Variants in SLC27A6 observed in about 807,000 individuals in gnomAD.
SLC27A6 encodes the protein solute carrier family 27 member 6.
A neutral mutation model predicts 63.9 loss-of-function variants in SLC27A6; 74 were observed. That is an observed-to-expected ratio of 1.16 (90% CI 0.96 to 1.40). The LOEUF is 1.40. SLC27A6 is among the 40% of genes most tolerant of loss of function. The pLI, the probability that SLC27A6 is intolerant of heterozygous loss-of-function variation, is 0.00. For synonymous variants in SLC27A6, 287 were observed against 260.8 expected, an observed-to-expected ratio of 1.10 and a Z score of -0.97; for missense variants, 794 against 732.9, an observed-to-expected ratio of 1.08 and a Z score of -0.96.
chr5:128,988,389 G>C (rs945027660), intron 2 of SLC27A6, among the ~76,000 whole-genome samples: 6 of 152,166 alleles, frequency 3.9e-5, no homozygotes, highest in African/African-American at 1.4e-4. Flanking sequence ...GGCCTACTTA[G>C]CAGCCTGTCA....
chr5:128,997,485 C>CTAACATAAATAG (rs1751198290), intron 4 of SLC27A6, among the ~76,000 whole-genome samples: 2 of 152,090 alleles, frequency 1.3e-5, no homozygotes, highest in African/African-American at 4.8e-5. Context: ...ATACAAGGGG[C>CTAACATAAATAG]TAACATAAAT....
At chr5:129,002,083 C>T (rs1049102015) in intron 4 of SLC27A6, among the ~76,000 whole-genome samples, 12 of 152,156 alleles carry the variant, frequency 7.9e-5, no homozygotes, top group African/African-American at 2.9e-4. Context: ...GTCCTGAAAG[C>T]TAGAGGGAAA....
intron 1 of SLC27A6, among the ~76,000 whole-genome samples, chr5:128,981,047 A>T (rs942470780): frequency 1.3e-5 from 2 of 152,250 alleles, no homozygotes; most frequent in African/African-American, 4.8e-5. Context: ...GATTATAATT[A>T]ACATTTTTGT....
chr5:129,023,984 T>G (rs1752158963), intron 6 of SLC27A6, among the ~76,000 whole-genome samples: 1 of 152,038 alleles, frequency 6.6e-6, no homozygotes, highest in East Asian at 1.9e-4. Context: ...TTTTTATTGT[T>G]TTATTATTAT....
intron 4 of SLC27A6, among the ~76,000 whole-genome samples, chr5:129,012,309 T>C (rs1751753405): frequency 6.6e-6 from 1 of 152,104 alleles, no homozygotes; most frequent in Admixed American, 6.6e-5. Flanking sequence ...TTTAATTTTA[T>C]TGTGGTCAGA....
At chr5:128,980,010 T>C (rs2150131470) in intron 1 of SLC27A6, among the ~76,000 whole-genome samples, 1 of 152,340 alleles carries the variant, frequency 6.6e-6, no homozygotes, top group South Asian at 2.1e-4. Flanking sequence ...AGGAAGGGCA[T>C]GGTCTGACTT....
At chr5:128,977,832 C>A (rs1479768465) in intron 1 of SLC27A6, among the ~76,000 whole-genome samples, 2 of 151,952 alleles carry the variant, frequency 1.3e-5, no homozygotes, top group African/African-American at 4.8e-5. Context: ...CTAAACATGC[C>A]AAAGGATATA....
intron 1 of SLC27A6, among the ~76,000 whole-genome samples, chr5:128,980,969 A>G (rs1421510900): frequency 6.6e-6 from 1 of 152,226 alleles, no homozygotes; most frequent in Non-Finnish European, 1.5e-5. Context: ...AAATGTGAAT[A>G]AGATCTAATG....
chr5:128,989,723 G>T (rs1396949082), intron 3 of SLC27A6, among the ~76,000 whole-genome samples: 3 of 152,178 alleles, frequency 2.0e-5, no homozygotes, highest in Middle Eastern at 3.4e-3. Context: ...AGGAGATTGA[G>T]ACCATCCTGG....
chr5:128,970,447 G>T (rs545213846), intron 1 of SLC27A6, among the ~76,000 whole-genome samples: 6 of 152,226 alleles, frequency 3.9e-5, no homozygotes, highest in Admixed American at 3.3e-4. Context: ...CCTGTTATTG[G>T]TCTATTCAGA....
At chr5:129,031,887 G>T (rs1463738218) in intron 9 of SLC27A6, among the ~76,000 whole-genome samples, 1 of 151,920 alleles carries the variant, frequency 6.6e-6, no homozygotes, top group African/African-American at 2.4e-5. Context: ...TGGCTGTGAT[G>T]ACAGTGTTGG....
chr5:129,018,459 A>T (rs1351527148), intron 5 of SLC27A6, among the ~76,000 whole-genome samples: 1 of 152,124 alleles, frequency 6.6e-6, no homozygotes, highest in Non-Finnish European at 1.5e-5. Context: ...AACCAAAAGA[A>T]GGTGCAAACT....
intron 4 of SLC27A6, among the ~76,000 whole-genome samples, chr5:129,005,272 T>C (rs548801467): frequency 3.0e-4 from 45 of 152,178 alleles, no homozygotes; most frequent in Non-Finnish European, 5.9e-4. Flanking sequence ...TAACTCCCAG[T>C]TATTTCTAAT....
intron 4 of SLC27A6, among the ~76,000 whole-genome samples, chr5:129,001,796 T>G (rs1751343267): frequency 1.3e-5 from 2 of 152,210 alleles, no homozygotes; most frequent in South Asian, 4.1e-4. Flanking sequence ...TTATTCAGCC[T>G]GAGTATGTTA....
intron 2 of SLC27A6, among the ~76,000 whole-genome samples, chr5:128,987,565 T>C (rs2150135226): frequency 6.6e-6 from 1 of 152,282 alleles, no homozygotes; most frequent in African/African-American, 2.4e-5. Context: ...AAAATTATTA[T>C]TGTTAATATT....
At position 129,028,384 on chromosome 5, in the gene SLC27A6, T is replaced by C. The variant is rs200683576; in HGVS notation, c.1494T>C (p.Asp498=). 95 of 1,611,114 alleles carry C rather than the reference T, an allele frequency of 5.9e-5. No homozygotes were observed. Among genetic ancestry groups the C allele is most frequent in the African/African-American group, 5.4e-5 (4 of 74,766 alleles). The change falls in exon 8 of 10, where the codon GAT becomes GAC. Residue 498 remains aspartate, a synonymous_variant. Coordinates refer to ENST00000262462, the MANE Select transcript of SLC27A6 (RefSeq NM_001017372.3). ...ATGTCGCAACCACTGAGGTTGCTGA[T>C]GTTATTGGAATGTTGGATTTCATAC... ...GENVATTEVA[D]VIGMLDFIQE...
In SLC27A6 at chr5:128,978,660, G is replaced by C. The variant is rs374748150; in HGVS notation, c.482-6473G>C. On this transcript the variant is annotated intron_variant, in intron 1 of 9. Coordinates refer to ENST00000262462, the MANE Select transcript of SLC27A6 (RefSeq NM_001017372.3). ...TTCTGTATAACTTATGAAAAATAGA[G>C]TTTTTCTAAAATGTACCAAAACAAT... 7.9e-5 allele frequency among the ~76,000 whole-genome samples: 12 copies of C among 152,134 alleles called. No homozygotes were observed. The South Asian group carries it at 2.5e-3, about 32-fold the overall frequency.
rs750563459 is a variant in SLC27A6, at chr5:128,985,271, G to A, written c.620G>A (p.Arg207His). The A allele has an allele frequency of 2.7e-5, 44 of 1,613,906 alleles. No individual in the cohort carries two copies. Among genetic ancestry groups the A allele is most frequent in the Admixed American group, 1.3e-4 (8 of 59,974 alleles). ...LSTSPDEPVP[R>H]SHHVVSLLKS... ...ACCTCACCTGATGAGCCCGTGCCACGCAGCCACCATGTTGTCTCACTCCTC... is the reference window on the plus strand; with the variant it reads ...ACCTCACCTGATGAGCCCGTGCCACACAGCCACCATGTTGTCTCACTCCTC... Residue 207 changes from arginine (R) to histidine (H), a missense_variant, in exon 2 of 10, where the codon CGC (arginine) becomes CAC (histidine). By Grantham distance (29) the Arg-to-His change is conservative. Coordinates refer to ENST00000262462, the MANE Select transcript of SLC27A6 (RefSeq NM_001017372.3).
intron 1 of SLC27A6, among the ~76,000 whole-genome samples, chr5:128,971,144 C>A (rs1750143966): frequency 6.6e-6 from 1 of 152,126 alleles, no homozygotes. Flanking sequence ...AATTTCTTTT[C>A]TTTTACATTT....
Sources: gnomAD v4.1 joint callset for allele counts (sites outside exome capture counted in the v4.1 genomes callset) on GRCh38, gnomAD v4.1.1 for gene constraint, MANE v1.5 for transcripts, NCBI Gene and HGNC (gene_info 2026-07-23, HGNC 2026-07-21) for gene names.